Variants in BRINP1 observed in about 807,000 individuals in gnomAD.
BRINP1 encodes the protein BMP/retinoic acid inducible neural specific 1, also known as BMP/retinoic acid-inducible neural-specific protein 1.
BRINP1 carries 17 observed loss-of-function variants against 72.9 expected under a neutral mutation model. The observed-to-expected ratio is 0.23, with a 90% confidence interval of 0.16 to 0.35. BRINP1 has a LOEUF of 0.35. Among genes scored for constraint, BRINP1 ranks in the 10% least tolerant of loss-of-function variants. BRINP1 has a pLI of 1.00. For synonymous variants in BRINP1, 418 were observed against 378.5 expected (o/e 1.10, Z -1.21); for missense variants, 850 against 1,001.6 (o/e 0.85, Z 2.04).
At chr9:119,253,738 G>C (rs1286533299) in intron 2 of BRINP1, among the ~76,000 whole-genome samples, 1 of 152,066 alleles carries the variant, frequency 6.6e-6, no homozygotes, top group South Asian at 2.1e-4. Context: ...AAAGAGAGGG[G>C]ATAGGACAGG....
In BRINP1 at chr9:119,349,555, T is replaced by G. The variant is rs1422232490; in HGVS notation, c.-51+19501A>C. Reference sequence around the variant, plus strand: ...TGTAACAATAAAAATACAGCAACGGTTAAAAGCCGTCTCAGTTAAATAGAA... The same window carrying G: ...TGTAACAATAAAAATACAGCAACGGGTAAAAGCCGTCTCAGTTAAATAGAA... On this transcript the variant is annotated intron_variant, in intron 1 of 7. Coordinates refer to ENST00000265922, the MANE Select transcript of BRINP1 (RefSeq NM_014618.3). Among the ~76,000 whole-genome samples the G allele has an allele frequency of 1.2e-4, 19 of 152,142 alleles. 1 individual carries two copies. The highest frequency in any genetic ancestry group is 2.9e-5 in the Non-Finnish European group (2 of 68,032).
intron 5 of BRINP1, among the ~76,000 whole-genome samples, chr9:119,215,374 C>G (rs1468586812): frequency 1.3e-5 from 2 of 152,196 alleles, no homozygotes; most frequent in Non-Finnish European, 2.9e-5. Flanking sequence ...GAGAGAAGGA[C>G]AGATCTGGGC....
In BRINP1 at chr9:119,253,335, C is replaced by T. The variant is rs754347896; in HGVS notation, c.219-4185G>A. 8.6e-5 allele frequency among the ~76,000 whole-genome samples: 13 copies of T among 152,038 alleles called. 1 individual carries two copies. The Middle Eastern group carries it at 0.01, about 119-fold the overall frequency. On this transcript the variant is annotated intron_variant, in intron 2 of 7. Coordinates refer to ENST00000265922, the MANE Select transcript of BRINP1 (RefSeq NM_014618.3). ...TCTTATCACAGCACTATTTACAATACGAAAAATGTGCAATCAAACTAAGTG... is the reference window on the plus strand; with the variant it reads ...TCTTATCACAGCACTATTTACAATATGAAAAATGTGCAATCAAACTAAGTG...
At chr9:119,342,645 T>C (rs1831416581) in intron 1 of BRINP1, among the ~76,000 whole-genome samples, 1 of 152,228 alleles carries the variant, frequency 6.6e-6, no homozygotes, top group Admixed American at 6.5e-5. Context: ...ACCGTATGCC[T>C]GGTCTTGGAT....
chr9:119,186,101 A>G (rs183238934), intron 7 of BRINP1, among the ~76,000 whole-genome samples: 180 of 152,178 alleles, frequency 1.2e-3, no homozygotes, highest in Middle Eastern at 3.4e-3. Flanking sequence ...CTGGCACCTG[A>G]GCCCAGGGCA....
intron 1 of BRINP1, among the ~76,000 whole-genome samples, chr9:119,348,050 G>A (rs566191769): frequency 3.4e-4 from 52 of 152,208 alleles, no homozygotes; most frequent in African/African-American, 1.2e-3. Flanking sequence ...AATGGATAAT[G>A]ACATGTATTT....
At chr9:119,169,304 T>C (rs1461151521) in intron 7 of BRINP1, among the ~76,000 whole-genome samples, 1 of 152,200 alleles carries the variant, frequency 6.6e-6, no homozygotes, top group Non-Finnish European at 1.5e-5. Flanking sequence ...GGGCGAGGCA[T>C]TGCCTCACTT....
chr9:119,175,412 C>A (rs1231991852), intron 7 of BRINP1, among the ~76,000 whole-genome samples: 1 of 152,064 alleles, frequency 6.6e-6, no homozygotes, highest in African/African-American at 2.4e-5. Context: ...AGGAGAAATA[C>A]CTAATGTAGA....
rs144730660 is a variant in BRINP1 at position 119,268,495 on chromosome 9, G to T, written c.219-19345C>A. Among the ~76,000 whole-genome samples, 194 of 152,190 alleles carry T rather than the reference G, an allele frequency of 1.3e-3. 1 individual carries two copies. Among genetic ancestry groups the T allele is most frequent in the Middle Eastern group, 3.4e-3 (1 of 294 alleles). ...GCTTGCAGGGAACACACAGCGCTAA[G>T]ATCTCTACCATGCTGCCTTGCACCA... is the stretch of plus-strand genomic sequence containing the variant. On this transcript the variant is annotated intron_variant, in intron 2 of 7. Coordinates refer to ENST00000265922, the MANE Select transcript of BRINP1 (RefSeq NM_014618.3).
intron 1 of BRINP1, among the ~76,000 whole-genome samples, chr9:119,348,328 T>C (rs1451126561): frequency 6.6e-6 from 1 of 152,202 alleles, no homozygotes; most frequent in Admixed American, 6.5e-5. Context: ...AATATCCCCT[T>C]GTCTAGATAT....
At chr9:119,310,139 C>G (rs1301105585) in intron 2 of BRINP1, among the ~76,000 whole-genome samples, 1 of 152,156 alleles carries the variant, frequency 6.6e-6, no homozygotes, top group Non-Finnish European at 1.5e-5. Context: ...TCAGCTAGCA[C>G]TCCTATTTTA....
chr9:119,186,115 C>T (rs988890867), intron 7 of BRINP1, among the ~76,000 whole-genome samples: 6 of 152,110 alleles, frequency 3.9e-5, no homozygotes, highest in Non-Finnish European at 7.4e-5. Flanking sequence ...CAGGGCACTG[C>T]CTGGGCTCAG....
chr9:119,221,494 A>G (rs1830041120), intron 5 of BRINP1, among the ~76,000 whole-genome samples: 1 of 152,112 alleles, frequency 6.6e-6, no homozygotes, highest in Non-Finnish European at 1.5e-5. Context: ...AAATAAGACA[A>G]TAATTCACCG....
At chr9:119,212,935 C>T (rs1829944142) in intron 6 of BRINP1, among the ~76,000 whole-genome samples, 1 of 152,174 alleles carries the variant, frequency 6.6e-6, no homozygotes. Context: ...TTCTCTTCAA[C>T]TCTTGTAGAC....
At chr9:119,193,671 C>T (rs963982996) in intron 7 of BRINP1, among the ~76,000 whole-genome samples, 6 of 152,164 alleles carry the variant, frequency 3.9e-5, no homozygotes, top group African/African-American at 1.2e-4. Flanking sequence ...CTCAAATACA[C>T]ACAATACAAT....
At position 119,287,188 on chromosome 9, in the gene BRINP1, T is replaced by A. The variant is rs79287374; in HGVS notation, c.218+25950A>T. Among the ~76,000 whole-genome samples, 1,232 of 152,352 alleles carry A rather than the reference T, an allele frequency of 8.1e-3. 14 individuals carry two copies. The highest frequency in any genetic ancestry group is 0.029 in the African/African-American group (1,190 of 41,580). On this transcript the variant is annotated intron_variant, in intron 2 of 7. Transcript: ENST00000265922. ...GCACTTTTATTTTAAATAATTCACA[T>A]GGTGCTTTAAGCTCTCCTTTTTTAT... is the stretch of plus-strand genomic sequence containing the variant.
intron 1 of BRINP1, among the ~76,000 whole-genome samples, chr9:119,318,844 G>GGTGT (rs56756136): frequency 0.024 from 3,367 of 142,140 alleles, 72 homozygotes; most frequent in African/African-American, 0.048. Flanking sequence ...AAATGTGTGG[G>GGTGT]GTGTGTGTGT....
At chr9:119,253,079 C>T (rs1197029721) in intron 2 of BRINP1, among the ~76,000 whole-genome samples, 2 of 152,028 alleles carry the variant, frequency 1.3e-5, no homozygotes, top group African/African-American at 4.8e-5. Context: ...GGGATGTTAC[C>T]CTAAAGAACT....
At position 119,238,635 on chromosome 9, in the gene BRINP1, T is replaced by C; in HGVS notation, c.685+20A>G. On this transcript the variant is annotated intron_variant, in intron 5 of 7. Coordinates refer to ENST00000265922, the MANE Select transcript of BRINP1 (RefSeq NM_014618.3). ...TGATGTTTCCCCCAACTGACCCCACTTTTTCCACTGGCTTCCTACCTTGAA... is the reference window on the plus strand; with the variant it reads ...TGATGTTTCCCCCAACTGACCCCACCTTTTCCACTGGCTTCCTACCTTGAA... The C allele has an allele frequency of 6.5e-7, 1 of 1,548,876 alleles. No homozygotes were observed.
Sources: gnomAD v4.1 joint callset for allele counts (sites outside exome capture counted in the v4.1 genomes callset) on GRCh38, gnomAD v4.1.1 for gene constraint, MANE v1.5 for transcripts, NCBI Gene and HGNC (gene_info 2026-07-23, HGNC 2026-07-21) for gene names.